The following PPP2R2C variants were observed in gnomAD, a reference collection of about 807,000 sequenced individuals.
PPP2R2C encodes the protein protein phosphatase 2 regulatory subunit Bgamma.
In PPP2R2C, 10 loss-of-function variants were observed where a neutral mutation model predicts 45.3. The observed-to-expected ratio is 0.22, with a 90% CI of 0.14 to 0.37. PPP2R2C has a LOEUF of 0.37. Ranked by LOEUF, PPP2R2C falls within the 10% of genes least tolerant of loss-of-function variation. PPP2R2C has a pLI of 1.00. For missense variants in PPP2R2C, 308 were observed against 619.7 expected (o/e 0.50, Z 5.34); for synonymous variants, 257 against 245.4 (o/e 1.05, Z -0.44).
rs138522745 is a variant in PPP2R2C, at chr4:6,421,648, A to G, written c.71-40554T>C. Among the ~76,000 whole-genome samples, 410 of 152,178 alleles carry G rather than the reference A, an allele frequency of 2.7e-3. 2 individuals carry two copies. Among genetic ancestry groups the G allele is most frequent in the African/African-American group, 9.1e-3 (380 of 41,542 alleles). ...AACCAGCGAGGTGACTCCAGACGCG[A>G]GGGGGCTGAGAATGACGAGGAGAGG... On this transcript the variant is annotated intron_variant, in intron 1 of 8. Transcript: ENST00000382599.
intron 6 of PPP2R2C, among the ~76,000 whole-genome samples, chr4:6,344,927 A>C (rs2109215135): frequency 6.6e-6 from 1 of 152,220 alleles, no homozygotes; most frequent in Admixed American, 6.5e-5. Flanking sequence ...GTTGCTTAAA[A>C]TTTTCCTTCT....
intron 2 of PPP2R2C, among the ~76,000 whole-genome samples, chr4:6,531,256 G>T (rs1476114636): frequency 6.6e-6 from 1 of 152,212 alleles, no homozygotes; most frequent in East Asian, 1.9e-4. Context: ...TGTTCTGAGG[G>T]TGCAGATGGC....
chr4:6,470,948 C>T (rs1330771699), intron 1 of PPP2R2C, among the ~76,000 whole-genome samples: 1 of 151,500 alleles, frequency 6.6e-6, no homozygotes, highest in Non-Finnish European at 1.5e-5. Flanking sequence ...CAGGGCGCCC[C>T]GAGCCCGCCC....
chr4:6,371,432 C>T (rs1418112493), intron 5 of PPP2R2C, among the ~76,000 whole-genome samples: 3 of 152,322 alleles, frequency 2.0e-5, no homozygotes, highest in East Asian at 1.9e-4. Flanking sequence ...TCTACTGCTC[C>T]GAGGGACACA....
chr4:6,515,017 G>A (rs1444800835), intron 2 of PPP2R2C, among the ~76,000 whole-genome samples: 1 of 151,934 alleles, frequency 6.6e-6, no homozygotes, highest in African/African-American at 2.4e-5. Context: ...TAATCTAGTA[G>A]GTCCTGCTTC....
intron 1 of PPP2R2C, among the ~76,000 whole-genome samples, chr4:6,455,566 T>TTCCC (rs1436579671): frequency 6.6e-6 from 1 of 152,118 alleles, no homozygotes; most frequent in Non-Finnish European, 1.5e-5. Flanking sequence ...TCACCTCCAC[T>TTCCC]TCCCTTCCAC....
chr4:6,452,445 G>A (rs975183802), intron 1 of PPP2R2C, among the ~76,000 whole-genome samples: 6 of 152,166 alleles, frequency 3.9e-5, no homozygotes, highest in Admixed American at 2.0e-4. Flanking sequence ...ACACCTGTGT[G>A]CTGCTTCCCT....
chr4:6,382,323 C>A, intron 1 of PPP2R2C: 1 of 1,291,792 alleles, frequency 7.7e-7, no homozygotes, highest in Non-Finnish European at 1.0e-6. Flanking sequence ...TGTGATACCA[C>A]CTTTAGCAAA....
At chr4:6,462,733 C>A (rs758944228) in intron 1 of PPP2R2C, among the ~76,000 whole-genome samples, 3 of 152,158 alleles carry the variant, frequency 2.0e-5, no homozygotes, top group Non-Finnish European at 2.9e-5. Flanking sequence ...CAGCACTGGG[C>A]TACAAGAAAT....
chr4:6,450,519 G>T (rs1050140002), intron 1 of PPP2R2C, among the ~76,000 whole-genome samples: 1 of 152,152 alleles, frequency 6.6e-6, no homozygotes, highest in African/African-American at 2.4e-5. Context: ...AGCTCGGGGG[G>T]TTCCAGCCCC....
At chr4:6,388,832 A>C (rs1716405329) in intron 1 of PPP2R2C, among the ~76,000 whole-genome samples, 1 of 150,946 alleles carries the variant, frequency 6.6e-6, no homozygotes, top group Non-Finnish European at 1.5e-5. Flanking sequence ...CAGAACTGTG[A>C]GAGAACAAAT....
intron 1 of PPP2R2C, among the ~76,000 whole-genome samples, chr4:6,443,050 C>T (rs539056237): frequency 9.6e-4 from 147 of 152,332 alleles, no homozygotes; most frequent in African/African-American, 3.4e-3. Flanking sequence ...CTCCCATTTC[C>T]GTCTGCTGTG....
intron 1 of PPP2R2C, chr4:6,382,208 G>A (rs1292638017): frequency 2.5e-6 from 3 of 1,202,694 alleles, no homozygotes; most frequent in Non-Finnish European, 3.2e-6. Context: ...ATCCCCATAG[G>A]CCCAAGCAGC....
chr4:6,427,655 G>A (rs1452606989), intron 1 of PPP2R2C, among the ~76,000 whole-genome samples: 1 of 152,218 alleles, frequency 6.6e-6, no homozygotes, highest in Non-Finnish European at 1.5e-5. Context: ...CTTGTCCCTA[G>A]GCCAGGACTC....
At chr4:6,381,859 C>A (rs746239244) in intron 1 of PPP2R2C, 12 of 1,612,758 alleles carry the variant, frequency 7.4e-6, no homozygotes, top group South Asian at 5.5e-5. Flanking sequence ...CCAGGCCCCA[C>A]TTTTTGCATG....
intron 2 of PPP2R2C, among the ~76,000 whole-genome samples, chr4:6,481,823 A>G (rs987789408): frequency 1.3e-5 from 2 of 151,924 alleles, no homozygotes; most frequent in East Asian, 1.9e-4. Flanking sequence ...TACTAAAAAT[A>G]CAAAAATCAG....
chr4:6,542,643 G>A (rs1180668466), intron 1 of PPP2R2C, among the ~76,000 whole-genome samples: 4 of 142,198 alleles, frequency 2.8e-5, no homozygotes, highest in African/African-American at 1.0e-4. Context: ...GGCAAAGGTT[G>A]CAGTGAGCCA....
intron 1 of PPP2R2C, among the ~76,000 whole-genome samples, chr4:6,456,586 C>T (rs1239787144): frequency 6.6e-6 from 1 of 152,200 alleles, no homozygotes; most frequent in Non-Finnish European, 1.5e-5. Flanking sequence ...TTCAGCCCCT[C>T]GCTCCTTCGG....
At chr4:6,414,716 C>T (rs1718451775) in intron 1 of PPP2R2C, among the ~76,000 whole-genome samples, 1 of 152,006 alleles carries the variant, frequency 6.6e-6, no homozygotes, top group African/African-American at 2.4e-5. Flanking sequence ...CCACGAGGCC[C>T]TGGGCTGGAT....
Sources: allele counts gnomAD v4.1 joint callset (sites outside exome capture counted in the v4.1 genomes callset), GRCh38; gene constraint gnomAD v4.1.1; transcripts MANE v1.5; gene names NCBI Gene and HGNC (gene_info 2026-07-23, HGNC 2026-07-21).